Variants in ADAM29 observed in about 807,000 individuals in gnomAD.
ADAM29 encodes disintegrin and metalloproteinase domain-containing protein 29.
For synonymous variants in ADAM29, 367 were observed against 342.3 expected (o/e 1.07, Z -0.80); for missense variants, 969 against 1,001.8 (o/e 0.97, Z 0.44).
At chr4:174,939,201 C>T (rs1458421374) in intron 4 of ADAM29, among the ~76,000 whole-genome samples, 3 of 152,148 alleles carry the variant, frequency 2.0e-5, no homozygotes, top group Non-Finnish European at 4.4e-5. Flanking sequence ...GAGCCACCAT[C>T]CAATCCACCA....
chr4:174,932,297 GAAAA>G (rs143076634), intron 3 of ADAM29, among the ~76,000 whole-genome samples: 6 of 149,752 alleles, frequency 4.0e-5, no homozygotes, highest in African/African-American at 1.5e-4. Flanking sequence ...CAAAAAAGAA[GAAAA>G]AAAAAGGAAT....
intron 3 of ADAM29, among the ~76,000 whole-genome samples, chr4:174,932,063 TAGATCACTTG>T (rs1743913014): frequency 6.6e-6 from 1 of 152,020 alleles, no homozygotes; most frequent in Admixed American, 6.6e-5. Context: ...GCAAGGCAGG[TAGATCACTTG>T]AGGTCAGGAT....
intron 2 of ADAM29, among the ~76,000 whole-genome samples, chr4:174,922,849 G>A (rs1242515572): frequency 3.3e-5 from 5 of 151,064 alleles, no homozygotes; most frequent in Non-Finnish European, 5.9e-5. Context: ...TATAATCTTC[G>A]AAATCTCACA....
intron 4 of ADAM29, among the ~76,000 whole-genome samples, chr4:174,956,100 C>T (rs890786918): frequency 6.6e-6 from 1 of 151,964 alleles, no homozygotes; most frequent in African/African-American, 2.4e-5. Context: ...ATAGCTTTAC[C>T]ATTCTCTTCA....
chr4:174,956,536 A>G (rs1032961762), intron 4 of ADAM29, among the ~76,000 whole-genome samples: 9 of 151,494 alleles, frequency 5.9e-5, no homozygotes, highest in African/African-American at 1.9e-4. Flanking sequence ...AAAAAGAGAG[A>G]GAATAATGAA....
intron 4 of ADAM29, among the ~76,000 whole-genome samples, chr4:174,947,711 A>C (rs1358814910): frequency 6.6e-6 from 1 of 152,160 alleles, no homozygotes; most frequent in African/African-American, 2.4e-5. Context: ...AATAATGTAC[A>C]CTGTGTTGTA....
chr4:174,923,691 T>C (rs1163793409), intron 2 of ADAM29: 1 of 151,962 alleles, frequency 6.6e-6, no homozygotes, highest in African/African-American at 2.4e-5. Context: ...TATGATTTTT[T>C]TCCTTGTGCA....
intron 4 of ADAM29, among the ~76,000 whole-genome samples, chr4:174,962,511 CAAAA>C (rs578109941): frequency 3.1e-5 from 2 of 63,542 alleles, no homozygotes. Flanking sequence ...GACTCCGTCA[CAAAA>C]AAAAAAAAAA....
chr4:174,933,509 G>A (rs897258559), intron 3 of ADAM29, among the ~76,000 whole-genome samples: 4 of 151,998 alleles, frequency 2.6e-5, no homozygotes, highest in African/African-American at 4.8e-5. Flanking sequence ...AGGGGTACAC[G>A]AGCATGTTTG....
rs1210623165 is a variant in ADAM29 at position 174,975,655 on chromosome 4, A to G, written c.130A>G (p.Arg44Gly). The change falls in exon 5 of 5, where the codon AGA becomes GGA. Residue 44 changes from arginine (R) to glycine (G), a missense_variant. Physicochemically the swap from Arg to Gly is moderately radical, Grantham distance 125 (BLOSUM62 -2). Transcript: ENST00000359240. ...TCCTGTGAGGATAACTGGCACCACC[A>G]GAGGCATGACACCTCCAGGCTGGCT... The part of the protein sequence containing the change: ...VIPVRITGTT[R>G]GMTPPGWLSY... The G allele has an allele frequency of 7.4e-6, 12 of 1,613,142 alleles. No homozygotes were observed. The highest frequency in any genetic ancestry group is 1.0e-5 in the Non-Finnish European group (12 of 1,179,654).
intron 3 of ADAM29, among the ~76,000 whole-genome samples, chr4:174,934,795 A>T (rs1744107681): frequency 6.6e-6 from 1 of 152,114 alleles, no homozygotes; most frequent in African/African-American, 2.4e-5. Context: ...TTGTCTAGTG[A>T]GTCTGTTCAT....
At chr4:174,941,123 T>C (rs900219911) in intron 4 of ADAM29, among the ~76,000 whole-genome samples, 10 of 152,208 alleles carry the variant, frequency 6.6e-5, no homozygotes, top group South Asian at 2.1e-4. Flanking sequence ...TTAAGGATTA[T>C]AGATGGTATA....
At chr4:174,962,515 A>C (rs1252627396) in intron 4 of ADAM29, among the ~76,000 whole-genome samples, 6 of 151,570 alleles carry the variant, frequency 4.0e-5, no homozygotes, top group African/African-American at 1.5e-4. Flanking sequence ...CCGTCACAAA[A>C]AAAAAAAAAA....
chr4:174,940,671 T>C (rs1052749896), intron 4 of ADAM29, among the ~76,000 whole-genome samples: 1 of 152,174 alleles, frequency 6.6e-6, no homozygotes, highest in Non-Finnish European at 1.5e-5. Context: ...AAGCACTTAA[T>C]AGACATCACT....
chr4:174,929,721 T>C (rs1211314192), intron 2 of ADAM29, among the ~76,000 whole-genome samples: 2 of 150,918 alleles, frequency 1.3e-5, no homozygotes, highest in African/African-American at 2.4e-5. Flanking sequence ...TGTTTATACA[T>C]CTCTCCTTCA....
At chr4:174,923,644 A>G (rs1466504418) in intron 2 of ADAM29, among the ~76,000 whole-genome samples, 1 of 150,872 alleles carries the variant, frequency 6.6e-6, no homozygotes, top group African/African-American at 2.4e-5. Flanking sequence ...AAGAACAACA[A>G]CAAAATCTGA....
At chr4:174,972,888 C>A (rs1254109838) in intron 4 of ADAM29, among the ~76,000 whole-genome samples, 1 of 152,102 alleles carries the variant, frequency 6.6e-6, no homozygotes, top group African/African-American at 2.4e-5. Flanking sequence ...TCTCTATGTA[C>A]TGAGAAGTAG....
chr4:174,967,603 A>T (rs1202916642), intron 4 of ADAM29, among the ~76,000 whole-genome samples: 1 of 152,228 alleles, frequency 6.6e-6, no homozygotes, highest in Non-Finnish European at 1.5e-5. Flanking sequence ...AACACTGCAC[A>T]TAGCAAGAAA....
intron 2 of ADAM29, among the ~76,000 whole-genome samples, chr4:174,928,392 G>A (rs1056732179): frequency 1.1e-4 from 17 of 151,740 alleles, no homozygotes; most frequent in African/African-American, 2.9e-4. Flanking sequence ...ACCGCATCCT[G>A]TAACTGACTG....
Sources: gnomAD v4.1 joint callset for allele counts (sites outside exome capture counted in the v4.1 genomes callset) on GRCh38, gnomAD v4.1.1 for gene constraint, MANE v1.5 for transcripts, NCBI Gene and HGNC (gene_info 2026-07-23, HGNC 2026-07-21) for gene names.